Variants in PCCA observed in about 807,000 individuals in gnomAD.
The protein encoded by PCCA is propionyl-CoA carboxylase alpha chain, mitochondrial.
A neutral mutation model predicts 101.3 loss-of-function variants in PCCA; 74 were observed. The ratio of observed to expected loss-of-function variants is 0.73; its 90% confidence interval spans 0.61 to 0.89. The LOEUF (loss-of-function observed/expected upper bound fraction) is 0.89, where lower values mean the gene tolerates loss of function less well. PCCA is among the 40% of genes least tolerant of loss of function. The probability of loss-of-function intolerance (pLI) is 0.00; values close to 1 mark genes in which losing one functional copy is unlikely to be tolerated. For missense variants in PCCA, 891 were observed against 907.0 expected (o/e 0.98, Z 0.23); for synonymous variants, 294 against 313.6 (o/e 0.94, Z 0.66).
At chr13:100,454,801 ATTCAT>A (rs1334740705) in intron 21 of PCCA, among the ~76,000 whole-genome samples, 1 of 152,220 alleles carries the variant, frequency 6.6e-6, no homozygotes, top group Non-Finnish European at 1.5e-5. Context: ...CTTAAAAATA[ATTCAT>A]TTCATTTTTT....
Position 100,384,304 on chromosome 13 carries a change from G to A in PCCA, c.1746+15730G>A, listed in dbSNP as rs184035741. ...GCCTCCCAAAGTTTTGGGATTACAG[G>A]CGTGAACCACTGTGCCTGGCCAAAA... On this transcript the variant is annotated intron_variant, in intron 19 of 23. Transcript: ENST00000376285. Among the ~76,000 whole-genome samples, 3 of 152,306 alleles carry A rather than the reference G, an allele frequency of 2.0e-5. No individual in the cohort carries two copies. In the East Asian group the frequency reaches 5.8e-4, roughly 29 times the overall value.
chr13:100,414,697 G>T (rs1488594314), intron 19 of PCCA, among the ~76,000 whole-genome samples: 1 of 152,174 alleles, frequency 6.6e-6, no homozygotes, highest in Non-Finnish European at 1.5e-5. Flanking sequence ...CTATAATAAC[G>T]TTGGATGGTG....
At chr13:100,349,269 G>A (rs9585409) in intron 18 of PCCA, among the ~76,000 whole-genome samples, 106,983 of 151,862 alleles carry the variant, frequency 0.7, 38,101 homozygotes, top group Middle Eastern at 0.8. Context: ...GATTACAGGC[G>A]TGCACCACCA....
At chr13:100,488,741 G>C (rs1037485200) in intron 21 of PCCA, among the ~76,000 whole-genome samples, 2 of 151,396 alleles carry the variant, frequency 1.3e-5, no homozygotes, top group Non-Finnish European at 2.9e-5. Flanking sequence ...AGGAGTTTGA[G>C]CCTGCAGTGA....
chr13:100,435,362 C>T (rs146996257), intron 20 of PCCA, among the ~76,000 whole-genome samples: 1 of 152,304 alleles, frequency 6.6e-6, no homozygotes, highest in Non-Finnish European at 1.5e-5. Context: ...CCAGGCCCCA[C>T]CTGCCATGTC....
At chr13:100,221,304 T>C (rs2059795299) in intron 7 of PCCA, among the ~76,000 whole-genome samples, 5 of 152,174 alleles carry the variant, frequency 3.3e-5, no homozygotes. Flanking sequence ...CATCTCACCA[T>C]TGTGGTTGGG....
chr13:100,322,135 A>G (rs2068122142), intron 16 of PCCA, among the ~76,000 whole-genome samples: 1 of 152,212 alleles, frequency 6.6e-6, no homozygotes, highest in Non-Finnish European at 1.5e-5. Context: ...AGTCAGCCTC[A>G]TGAGGTCATT....
At chr13:100,208,307 A>G (rs574437226) in intron 6 of PCCA, among the ~76,000 whole-genome samples, 1 of 152,314 alleles carries the variant, frequency 6.6e-6, no homozygotes, top group Non-Finnish European at 1.5e-5. Flanking sequence ...CACCAGGAGA[A>G]TGAACCTTTT....
chr13:100,519,108 A>G (rs2087044018), intron 22 of PCCA, among the ~76,000 whole-genome samples: 1 of 152,220 alleles, frequency 6.6e-6, no homozygotes, highest in South Asian at 2.1e-4. Flanking sequence ...AGGCATTTTA[A>G]TATTGCATTT....
At chr13:100,527,168 C>T (rs891780985) in intron 22 of PCCA, 18 of 360,584 alleles carry the variant, frequency 5.0e-5, no homozygotes, top group East Asian at 7.7e-5. Flanking sequence ...TTAACGTGTA[C>T]GATTCGGTGG....
Position 100,262,768 on chromosome 13 carries a change from T to A in PCCA, c.756T>A (p.Ser252Arg). 6.3e-7 allele frequency: 1 copy of A among 1,597,252 alleles called. No homozygotes were observed. The highest frequency in any genetic ancestry group is 8.6e-7 in the Non-Finnish European group (1 of 1,165,980). The change falls in exon 10 of 24, where the codon AGT (serine) becomes AGA (arginine). Residue 252 changes from serine to arginine, a missense_variant. Coordinates refer to ENST00000376285, the MANE Select transcript of PCCA (RefSeq NM_000282.4). ...TGTCATCTCAAGAAGCTGCTTCTAGTTTTGGCGATGATAGACTACTAATAG... is the reference window on the plus strand; with the variant it reads ...TGTCATCTCAAGAAGCTGCTTCTAGATTTGGCGATGATAGACTACTAATAG... Reference protein sequence around the residue: ...FRLSSQEAASSFGDDRLLIEK... With the variant: ...FRLSSQEAASRFGDDRLLIEK...
intron 22 of PCCA, among the ~76,000 whole-genome samples, chr13:100,524,358 G>A (rs1180681304): frequency 7.6e-6 from 1 of 131,882 alleles, no homozygotes; most frequent in East Asian, 2.4e-4. Flanking sequence ...GAAACATGTT[G>A]AAATTCAATT....
chr13:100,324,650 A>G (rs929816807), intron 16 of PCCA, among the ~76,000 whole-genome samples: 1 of 152,218 alleles, frequency 6.6e-6, no homozygotes, highest in Admixed American at 6.5e-5. Flanking sequence ...GCAGAGAGAA[A>G]TGTACACAAA....
At chr13:100,257,807 G>A (rs1479152989) in intron 9 of PCCA, 134 bp downstream of exon 9, 1 of 688,528 alleles carries the variant, frequency 1.5e-6, no homozygotes, top group Non-Finnish European at 2.6e-6. Context: ...CTTTTGAATG[G>A]GAAAAAGATT....
At chr13:100,422,982 C>T (rs1034183197) in intron 19 of PCCA, among the ~76,000 whole-genome samples, 2 of 148,366 alleles carry the variant, frequency 1.3e-5, no homozygotes, top group African/African-American at 4.9e-5. Flanking sequence ...GTGTTATATG[C>T]TACTAATTTA....
intron 19 of PCCA, among the ~76,000 whole-genome samples, chr13:100,382,692 A>C (rs900080497): frequency 2.0e-5 from 3 of 152,202 alleles, no homozygotes; most frequent in African/African-American, 7.2e-5. Context: ...TTGGTCTACT[A>C]TTTTTACTTC....
intron 7 of PCCA, among the ~76,000 whole-genome samples, chr13:100,226,871 A>G (rs2060173847): frequency 6.6e-6 from 1 of 152,216 alleles, no homozygotes; most frequent in Non-Finnish European, 1.5e-5. Context: ...CATCTTCTTA[A>G]TAACCCTATG....
chr13:100,526,937 G>A (rs1187258672), intron 22 of PCCA, among the ~76,000 whole-genome samples: 4 of 152,252 alleles, frequency 2.6e-5, no homozygotes, highest in African/African-American at 9.6e-5. Flanking sequence ...TGTAGCTCTG[G>A]AAGTCATTCC....
At position 100,154,180 on chromosome 13, in the gene PCCA, A is replaced by T. The variant is rs527270295; in HGVS notation, c.301-799A>T. Among the ~76,000 whole-genome samples, 250 of 152,356 alleles carry T rather than the reference A, an allele frequency of 1.6e-3. 1 individual carries two copies. Among genetic ancestry groups the T allele is most frequent in the African/African-American group, 5.7e-3 (239 of 41,588 alleles). ...AGCCATTAGGAAATTAGGAAAAGTC[A>T]TTTAAAAAGATAGTAATCCTTTCAT... On this transcript the variant is annotated intron_variant, in intron 4 of 23. Coordinates refer to ENST00000376285, the MANE Select transcript of PCCA (RefSeq NM_000282.4).
Sources: gnomAD v4.1 joint callset for allele counts (sites outside exome capture counted in the v4.1 genomes callset) on GRCh38, gnomAD v4.1.1 for gene constraint, MANE v1.5 for transcripts, NCBI Gene and HGNC (gene_info 2026-07-23, HGNC 2026-07-21) for gene names.